DNAH11: variants seen among roughly 807,000 people sequenced by gnomAD.
DNAH11 encodes the protein dynein axonemal heavy chain 11.
In DNAH11, 442 loss-of-function variants were observed where a neutral mutation model predicts 526.0. The ratio of observed to expected loss-of-function variants is 0.84; its 90% CI spans 0.78 to 0.91. The LOEUF is 0.91. Ranked by LOEUF, DNAH11 falls within the 40% of genes least tolerant of loss-of-function variation. DNAH11 has a pLI of 0.00. For synonymous variants in DNAH11, 2,461 were observed against 1,935.9 expected (o/e 1.27, Z -7.12); for missense variants, 6,989 against 5,448.7 (o/e 1.28, Z -8.90).
intron 66 of DNAH11, among the ~76,000 whole-genome samples, chr7:21,845,365 T>C (rs1294482866): frequency 2.0e-5 from 3 of 152,200 alleles, no homozygotes; most frequent in Non-Finnish European, 4.4e-5. Context: ...CTCTGTTGTA[T>C]ATTTTGAGTT....
Position 21,589,361 on chromosome 7 carries a change from C to T in DNAH11, c.2127C>T (p.Phe709=), listed in dbSNP as rs746839370. The T allele has an allele frequency of 1.9e-6, 3 of 1,608,722 alleles. No individual in the cohort carries two copies. Among genetic ancestry groups the T allele is most frequent in the South Asian group, 1.1e-5 (1 of 90,054 alleles). ...EFNLNQPLVK[F]SAINGLLCVN... Reference sequence around the variant, plus strand: ...ATTTGAATCAACCCTTGGTTAAATTCAGTGCCATAAATGGTCTTCTCTGTG... The same window carrying T: ...ATTTGAATCAACCCTTGGTTAAATTTAGTGCCATAAATGGTCTTCTCTGTG... The change falls in exon 12 of 82, where the codon TTC becomes TTT. Residue 709 remains phenylalanine (F), a synonymous_variant. Coordinates refer to ENST00000409508, the MANE Select transcript of DNAH11 (RefSeq NM_001277115.2).
intron 4 of DNAH11, 143 bp downstream of exon 4, chr7:21,559,935 G>T (rs993889490): frequency 2.9e-6 from 2 of 698,790 alleles, no homozygotes; most frequent in Non-Finnish European, 4.6e-6. Flanking sequence ...TTCTGTGTGT[G>T]TGGTGTGCAC....
intron 66 of DNAH11, among the ~76,000 whole-genome samples, chr7:21,849,093 C>T (rs980086665): frequency 5.9e-5 from 9 of 152,198 alleles, no homozygotes; most frequent in Non-Finnish European, 1.3e-4. Flanking sequence ...CCATGTTGGT[C>T]AGGCTAGTCT....
At position 21,794,101 on chromosome 7, in the gene DNAH11, TA is replaced by T. The variant is rs573458721; in HGVS notation, c.10026+4765del. 9.2e-5 allele frequency among the ~76,000 whole-genome samples: 14 copies of T among 152,358 alleles called. No individual in the cohort carries two copies. The South Asian group carries it at 2.7e-3, about 29-fold the overall frequency. ...ACGTATTTCTCAGTTCCAGGATTTT[TA>T]AAAAATTATTTCAATCTCTTAAACT... On this transcript the variant is annotated intron_variant, in intron 61 of 81. Transcript: ENST00000409508.
At chr7:21,852,266 A>G (rs912249528) in intron 66 of DNAH11, among the ~76,000 whole-genome samples, 6 of 151,866 alleles carry the variant, frequency 4.0e-5, no homozygotes, top group Non-Finnish European at 8.8e-5. Flanking sequence ...AAATAGCTGG[A>G]TGTGGTGGCA....
intron 35 of DNAH11, among the ~76,000 whole-genome samples, chr7:21,696,864 C>T (rs1644665030): frequency 1.3e-5 from 2 of 152,026 alleles, no homozygotes; most frequent in Admixed American, 6.6e-5. Flanking sequence ...GATTTTAGCA[C>T]CCAATATGGT....
intron 43 of DNAH11, among the ~76,000 whole-genome samples, chr7:21,720,329 T>C (rs1784825704): frequency 6.6e-6 from 1 of 152,156 alleles, no homozygotes; most frequent in South Asian, 2.1e-4. Context: ...GTAACACTTA[T>C]TGATAAGGAA....
intron 64 of DNAH11, 48 bp downstream of exon 64, chr7:21,816,750 T>A (rs748032497): frequency 2.0e-6 from 3 of 1,514,704 alleles, no homozygotes. Context: ...TGCTGTGAAG[T>A]GGGTCTGATT....
chr7:21,638,843 A>G (rs1253441629), intron 27 of DNAH11, 96 bp from the exon 28 acceptor site: 6 of 1,410,316 alleles, frequency 4.3e-6, no homozygotes, highest in East Asian at 4.6e-5. Flanking sequence ...TGAGTTTACT[A>G]TAATGAATGG....
intron 28 of DNAH11, among the ~76,000 whole-genome samples, chr7:21,640,109 G>A (rs554072371): frequency 3.3e-5 from 5 of 152,160 alleles, no homozygotes; most frequent in African/African-American, 7.2e-5. Context: ...GGACAATTTG[G>A]GCAACAGGTT....
intron 65 of DNAH11, among the ~76,000 whole-genome samples, chr7:21,835,561 G>A (rs1781962209): frequency 6.6e-6 from 1 of 152,008 alleles, no homozygotes; most frequent in African/African-American, 2.4e-5. Flanking sequence ...TAAAATTCAA[G>A]ATCCTTTCAT....
Position 21,744,888 on chromosome 7 carries a change from C to T in DNAH11, c.8335C>T (p.Leu2779=). ...KYFEGIDSHM[L]LQQPLIYCHF... ...CCTGCAGGGTATAGATAGTCACATGCTGCTTCAACAGCCCCTCATTTATTG... is the reference window on the plus strand; with the variant it reads ...CCTGCAGGGTATAGATAGTCACATGTTGCTTCAACAGCCCCTCATTTATTG... The change falls in exon 51 of 82, where the codon CTG becomes TTG. Residue 2779 remains leucine, a synonymous_variant. Transcript: ENST00000409508. The T allele has an allele frequency of 1.2e-6, 2 of 1,609,660 alleles. No individual in the cohort carries two copies. The highest frequency in any genetic ancestry group is 1.7e-6 in the Non-Finnish European group (2 of 1,177,984).
In DNAH11 at chr7:21,561,058, T is replaced by A. The variant is rs1783439046; in HGVS notation, c.883-13T>A. The A allele has an allele frequency of 6.5e-7, 1 of 1,550,232 alleles. No homozygotes were observed. The highest frequency in any genetic ancestry group is 8.8e-7 in the Non-Finnish European group (1 of 1,139,950). ...ATATTTATTAAAGTTCTTCTTTTTT[T>A]CCTTTAACTTAGCTTCAGGCACCTG... On this transcript the variant is annotated splice_polypyrimidine_tract_variant and intron_variant, in intron 4 of 81. Coordinates refer to ENST00000409508, the MANE Select transcript of DNAH11 (RefSeq NM_001277115.2).
At chr7:21,696,689 A>G (rs1260044093) in intron 35 of DNAH11, among the ~76,000 whole-genome samples, 2 of 152,172 alleles carry the variant, frequency 1.3e-5, no homozygotes, top group Non-Finnish European at 1.5e-5. Context: ...TGGAGGCCAT[A>G]TGCTTGTGCC....
At chr7:21,873,619 G>A (rs932642099) in intron 74 of DNAH11, 118 bp downstream of exon 74, 12 of 947,028 alleles carry the variant, frequency 1.3e-5, no homozygotes, top group African/African-American at 3.3e-5. Flanking sequence ...CTTAATGTTC[G>A]CATGTGGAAG....
intron 41 of DNAH11, 59 bp downstream of exon 41, chr7:21,710,762 G>A (rs1009120212): frequency 3.3e-6 from 5 of 1,496,802 alleles, no homozygotes; most frequent in African/African-American, 1.4e-5. Context: ...TTAAGAGTTC[G>A]ATTCACTTGT....
rs1303228044 is a variant in DNAH11 at position 21,732,172 on chromosome 7, T to G, written c.7441-3468T>G. Among the ~76,000 whole-genome samples the G allele has an allele frequency of 2.0e-5, 3 of 152,270 alleles. No homozygotes were observed. In the East Asian group the frequency reaches 5.8e-4, roughly 29 times the overall value. ...CCACAGAAGTTTCTTTTTTCACAGC[T>G]CTGGAGGCTAGCAGTCCAAGTTCAA... is the stretch of plus-strand genomic sequence containing the variant. On this transcript the variant is annotated intron_variant, in intron 45 of 81. Coordinates refer to ENST00000409508, the MANE Select transcript of DNAH11 (RefSeq NM_001277115.2).
At chr7:21,583,774 T>C (rs1784393629) in intron 9 of DNAH11, among the ~76,000 whole-genome samples, 1 of 152,112 alleles carries the variant, frequency 6.6e-6, no homozygotes, top group Non-Finnish European at 1.5e-5. Flanking sequence ...GCGAAAGACA[T>C]GAACAGACAC....
intron 9 of DNAH11, among the ~76,000 whole-genome samples, chr7:21,585,181 T>C (rs1463386843): frequency 6.6e-6 from 1 of 152,004 alleles, no homozygotes; most frequent in African/African-American, 2.4e-5. Context: ...TTGGCGGGGG[T>C]GTGGCATCAT....
Sources: allele counts gnomAD v4.1 joint callset (sites outside exome capture counted in the v4.1 genomes callset), GRCh38; gene constraint gnomAD v4.1.1; transcripts MANE v1.5; gene names NCBI Gene and HGNC (gene_info 2026-07-23, HGNC 2026-07-21).